Variants in FRMD4A observed in about 807,000 individuals in gnomAD.
FRMD4A encodes FERM domain containing 4A.
A neutral mutation model predicts 129.1 loss-of-function variants in FRMD4A; 29 were observed. The ratio of observed to expected loss-of-function variants is 0.22; its 90% CI spans 0.17 to 0.31. The LOEUF (loss-of-function observed/expected upper bound fraction) is 0.31, where lower values mean the gene tolerates loss of function less well. Ranked by LOEUF, FRMD4A falls within the 10% of genes least tolerant of loss-of-function variation. The probability of loss-of-function intolerance (pLI) is 1.00; values close to 1 mark genes in which losing one functional copy is unlikely to be tolerated. For synonymous variants in FRMD4A, 634 were observed against 571.6 expected, an observed-to-expected ratio of 1.11 and a Z score of -1.56; for missense variants, 1,272 against 1,375.8, an observed-to-expected ratio of 0.92 and a Z score of 1.19.
intron 8 of FRMD4A, among the ~76,000 whole-genome samples, chr10:13,754,537 A>C (rs923243282): frequency 6.6e-6 from 1 of 151,508 alleles, no homozygotes; most frequent in South Asian, 2.1e-4. Flanking sequence ...TCATTTTTAA[A>C]TCATGGGAAA....
chr10:13,903,872 G>T (rs150193589), intron 2 of FRMD4A, among the ~76,000 whole-genome samples: 90 of 151,864 alleles, frequency 5.9e-4, no homozygotes, highest in Middle Eastern at 6.8e-3. Flanking sequence ...GACAGCGACA[G>T]CTTGTCTCTT....
intron 2 of FRMD4A, among the ~76,000 whole-genome samples, chr10:13,863,202 T>G (rs1451351233): frequency 6.6e-6 from 1 of 152,210 alleles, no homozygotes; most frequent in Non-Finnish European, 1.5e-5. Context: ...ACTTTGCTGC[T>G]AAGGTACACT....
chr10:14,182,723 G>C (rs1011052472), intron 2 of FRMD4A, among the ~76,000 whole-genome samples: 1 of 152,150 alleles, frequency 6.6e-6, no homozygotes, highest in Non-Finnish European at 1.5e-5. Context: ...GTTCGACCGG[G>C]GGCTCTGCCC....
intron 15 of FRMD4A, among the ~76,000 whole-genome samples, chr10:13,680,856 G>A (rs143053643): frequency 0.011 from 1,697 of 152,232 alleles, 13 homozygotes; most frequent in Middle Eastern, 0.058. Context: ...AGACCAGCCT[G>A]GCCATAGTGA....
intron 8 of FRMD4A, among the ~76,000 whole-genome samples, chr10:13,754,368 C>A (rs2091767470): frequency 6.6e-6 from 1 of 152,064 alleles, no homozygotes; most frequent in South Asian, 2.1e-4. Flanking sequence ...AAAGCTCCAT[C>A]AAATAGACTT....
At chr10:14,096,020 A>T (rs773183478) in intron 2 of FRMD4A, among the ~76,000 whole-genome samples, 12 of 152,210 alleles carry the variant, frequency 7.9e-5, no homozygotes, top group Non-Finnish European at 1.6e-4. Context: ...AACCCTCGCC[A>T]TCCTGTTCTT....
intron 4 of FRMD4A, among the ~76,000 whole-genome samples, chr10:13,804,937 C>T (rs1439219724): frequency 2.0e-5 from 3 of 152,066 alleles, no homozygotes; most frequent in Non-Finnish European, 4.4e-5. Flanking sequence ...AATTAGGATA[C>T]AGTCTGCTGA....
At position 14,127,905 on chromosome 10, in the gene FRMD4A, G is replaced by T. The variant is rs75380403; in HGVS notation, c.45+202153C>A. 2.8e-3 allele frequency among the ~76,000 whole-genome samples: 385 copies of T among 136,484 alleles called. 10 individuals are homozygous for T. Among genetic ancestry groups the T allele is most frequent in the African/African-American group, 9.3e-3 (323 of 34,804 alleles). The allele number at this position is 136,484 out of a possible 152,430, so 89.5% of individuals were successfully genotyped here. A position where few individuals can be genotyped will look rare whatever the true frequency, so the allele number is the denominator to read the frequency against. On this transcript the variant is annotated intron_variant, in intron 2 of 24. Coordinates refer to ENST00000357447, the MANE Select transcript of FRMD4A (RefSeq NM_018027.5). ...GCCATTTTCCCCATATTTATATTTT[G>T]CTTTCTTTCTTTCTTTCTTTCTTTC...
At position 13,934,469 on chromosome 10, in the gene FRMD4A, C is replaced by CT. The variant is rs75727770; in HGVS notation, c.46-75558dup. On this transcript the variant is annotated intron_variant, in intron 2 of 24. Transcript: ENST00000357447. Reference sequence around the variant, plus strand: ...AGTGTCCTAGTCATTCATTTTAAAACTTTTTTTTTTTTTAAATGGAGATGC... The same window carrying CT: ...AGTGTCCTAGTCATTCATTTTAAAACTTTTTTTTTTTTTTAAATGGAGATGC... 8.6e-3 allele frequency among the ~76,000 whole-genome samples: 1,276 copies of CT among 147,924 alleles called. 11 individuals are homozygous for CT. Among genetic ancestry groups the CT allele is most frequent in the African/African-American group, 0.028 (1,144 of 40,470 alleles).
intron 2 of FRMD4A, among the ~76,000 whole-genome samples, chr10:13,898,403 C>A (rs1251454380): frequency 6.6e-6 from 1 of 152,128 alleles, no homozygotes; most frequent in Non-Finnish European, 1.5e-5. Flanking sequence ...AACGAGACCA[C>A]TTCCCTGTTT....
Position 13,928,326 on chromosome 10 carries a change from A to ATT in FRMD4A, c.46-69416_46-69415dup, listed in dbSNP as rs71505011. On this transcript the variant is annotated intron_variant, in intron 2 of 24. Coordinates refer to ENST00000357447, the MANE Select transcript of FRMD4A (RefSeq NM_018027.5). Reference sequence around the variant, plus strand: ...CCTTACTTAACATATCTTTAGCTGGATTTTTTTTTTTGTTTTAAGTAGAAG... The same window carrying ATT: ...CCTTACTTAACATATCTTTAGCTGGATTTTTTTTTTTTTGTTTTAAGTAGAAG... Among the ~76,000 whole-genome samples the ATT allele has an allele frequency of 4.2e-3, 624 of 148,688 alleles. 7 individuals carry two copies. Among genetic ancestry groups the ATT allele is most frequent in the African/African-American group, 0.015 (598 of 40,648 alleles).
chr10:14,222,689 C>A (rs1405884215), intron 2 of FRMD4A, among the ~76,000 whole-genome samples: 8 of 152,092 alleles, frequency 5.3e-5, no homozygotes, highest in African/African-American at 1.9e-4. Flanking sequence ...AGAATCAGGC[C>A]ATGGTATTGA....
intron 6 of FRMD4A, among the ~76,000 whole-genome samples, chr10:13,776,117 C>A (rs1280125305): frequency 6.7e-6 from 1 of 149,944 alleles, no homozygotes. Flanking sequence ...TTTTTTTTTT[C>A]TTTGTGACAA....
chr10:13,828,891 AC>A (rs2093746159), intron 3 of FRMD4A, among the ~76,000 whole-genome samples: 1 of 152,152 alleles, frequency 6.6e-6, no homozygotes, highest in Non-Finnish European at 1.5e-5. Context: ...CCATGTCTTT[AC>A]TATTGTGAAT....
At chr10:14,026,332 A>G (rs1024640106) in intron 2 of FRMD4A, among the ~76,000 whole-genome samples, 9 of 152,236 alleles carry the variant, frequency 5.9e-5, no homozygotes, top group African/African-American at 1.9e-4. Context: ...CAAAGCTACC[A>G]TAAAATTAAG....
chr10:13,853,829 C>CT (rs2094173824), intron 3 of FRMD4A, among the ~76,000 whole-genome samples: 1 of 89,884 alleles, frequency 1.1e-5, no homozygotes, highest in Admixed American at 1.3e-4. Flanking sequence ...AAGACTCTCT[C>CT]AAAAAAAAAA....
chr10:14,104,608 G>A (rs938811436), intron 2 of FRMD4A, among the ~76,000 whole-genome samples: 13 of 152,264 alleles, frequency 8.5e-5, no homozygotes, highest in Admixed American at 7.2e-4. Flanking sequence ...ACCCCAGCCC[G>A]ACCTGAGTAG....
At chr10:13,865,632 T>C (rs2094357479) in intron 2 of FRMD4A, among the ~76,000 whole-genome samples, 1 of 151,700 alleles carries the variant, frequency 6.6e-6, no homozygotes, top group Non-Finnish European at 1.5e-5. Context: ...GTTTATTTTT[T>C]GTAGAGACAC....
At chr10:13,711,186 C>T (rs1045823643) in intron 12 of FRMD4A, among the ~76,000 whole-genome samples, 2 of 152,200 alleles carry the variant, frequency 1.3e-5, no homozygotes, top group Admixed American at 6.5e-5. Context: ...TGCCCAGGGC[C>T]GGGGTGCAGC....
Sources: gnomAD v4.1 joint callset for allele counts (sites outside exome capture counted in the v4.1 genomes callset) on GRCh38, gnomAD v4.1.1 for gene constraint, MANE v1.5 for transcripts, NCBI Gene and HGNC (gene_info 2026-07-23, HGNC 2026-07-21) for gene names.